Variants in PVT1 observed in about 807,000 individuals in gnomAD.
PVT1 encodes Pvt1 oncogene, also known as CXCR4/PVT1 fusion.
intron 2 of PVT1, among the ~76,000 whole-genome samples, chr8:127,809,052 A>AAAAAAAAAAAAAG (rs1554588311): frequency 1.0e-4 from 14 of 135,110 alleles, no homozygotes; most frequent in African/African-American, 3.1e-4. Context: ...AAAAAAAAAA[A>AAAAAAAAAAAAAG]AAAGAAAGAA....
intron 3 of PVT1, among the ~76,000 whole-genome samples, chr8:127,970,305 T>G (rs1586460926): frequency 7.7e-6 from 1 of 129,710 alleles, no homozygotes; most frequent in East Asian, 2.3e-4. Flanking sequence ...TTTTTTTTTT[T>G]TTTTTTTTTT....
At chr8:127,829,972 A>G (rs943025302) in intron 2 of PVT1, among the ~76,000 whole-genome samples, 1 of 152,152 alleles carries the variant, frequency 6.6e-6, no homozygotes, top group Non-Finnish European at 1.5e-5. Flanking sequence ...ATCTGCCTCC[A>G]TCTTTACATA....
chr8:127,837,679 A>G (rs2129709536), intron 2 of PVT1, among the ~76,000 whole-genome samples: 1 of 152,164 alleles, frequency 6.6e-6, no homozygotes, highest in South Asian at 2.1e-4. Flanking sequence ...TTACAAAGTG[A>G]CCCTATGAAG....
At chr8:127,854,455 C>T (rs1405404010) in intron 2 of PVT1, among the ~76,000 whole-genome samples, 1 of 152,200 alleles carries the variant, frequency 6.6e-6, no homozygotes, top group Non-Finnish European at 1.5e-5. Context: ...CCTGGGCTTT[C>T]CTGTCCCTCA....
intron 4 of PVT1, among the ~76,000 whole-genome samples, chr8:128,033,085 C>T (rs929240129): frequency 3.9e-5 from 6 of 152,156 alleles, no homozygotes; most frequent in Non-Finnish European, 7.3e-5. Context: ...CTCAACTGTC[C>T]CTCAGGCTTC....
intron 3 of PVT1, among the ~76,000 whole-genome samples, chr8:127,985,509 A>G (rs764487547): frequency 1.3e-5 from 2 of 151,502 alleles, no homozygotes; most frequent in African/African-American, 2.4e-5. Context: ...ATGTTGACAC[A>G]GCAACTAACT....
chr8:127,854,447 T>G (rs766350350), intron 2 of PVT1, among the ~76,000 whole-genome samples: 8 of 152,220 alleles, frequency 5.3e-5, no homozygotes, highest in Non-Finnish European at 1.2e-4. Context: ...GGGACCCTCC[T>G]GGGCTTTCCT....
chr8:128,092,205 A>G (rs568629071), intron 5 of PVT1, among the ~76,000 whole-genome samples: 2 of 151,684 alleles, frequency 1.3e-5, no homozygotes, highest in African/African-American at 4.8e-5. Context: ...ATTTTTCTCT[A>G]TCTCCTTTTC....
rs1300407130 is a variant in PVT1, at chr8:128,023,423, G to C, written n.912+34132G>C. On this transcript the variant is annotated intron_variant and non_coding_transcript_variant, in intron 4 of 10. Transcript: ENST00000651587. ...GACCACGCAGATATATGGACACTTA[G>C]TGCTTATGCCACTGAGCTCGTTGTG... Among the ~76,000 whole-genome samples, 4 of 152,154 alleles carry C rather than the reference G, an allele frequency of 2.6e-5. No homozygotes were observed. In the East Asian group the frequency reaches 7.7e-4, roughly 29 times the overall value.
chr8:127,838,314 C>T (rs1339043543), intron 2 of PVT1, among the ~76,000 whole-genome samples: 1 of 152,196 alleles, frequency 6.6e-6, no homozygotes, highest in African/African-American at 2.4e-5. Flanking sequence ...AGGCTATGGA[C>T]AGATACTGGT....
intron 4 of PVT1, among the ~76,000 whole-genome samples, chr8:128,047,798 GTTAA>G (rs1262952042): frequency 1.3e-5 from 2 of 152,106 alleles, no homozygotes; most frequent in Admixed American, 6.5e-5. Flanking sequence ...TGATGCACCT[GTTAA>G]TTAACTCAAC....
chr8:127,805,177 G>A lies in PVT1; in HGVS notation n.372+9106G>A, dbSNP rs192806064. On this transcript the variant is annotated intron_variant and non_coding_transcript_variant, in intron 2 of 10. Coordinates refer to ENST00000651587, the Ensembl canonical transcript of PVT1. Reference sequence around the variant, plus strand: ...ACTCCTGACCTCAGGTGATCCACCCGCCTTGGCCTCCCAAAGTGCTGGGAT... The same window carrying A: ...ACTCCTGACCTCAGGTGATCCACCCACCTTGGCCTCCCAAAGTGCTGGGAT... 1.7e-3 allele frequency among the ~76,000 whole-genome samples: 261 copies of A among 151,430 alleles called. 1 individual carries two copies. Among genetic ancestry groups the A allele is most frequent in the African/African-American group, 5.8e-3 (239 of 41,266 alleles).
intron 3 of PVT1, among the ~76,000 whole-genome samples, chr8:127,945,753 T>C (rs1043218850): frequency 7.2e-5 from 11 of 152,198 alleles, no homozygotes; most frequent in African/African-American, 2.7e-4. Flanking sequence ...ACTGAGTTCT[T>C]TGGAAAATAA....
chr8:127,810,463 A>G (rs10108514), intron 2 of PVT1, among the ~76,000 whole-genome samples: 65,025 of 152,018 alleles, frequency 0.43, 14,062 homozygotes, highest in Non-Finnish European at 0.45. Flanking sequence ...CGTGTATTGA[A>G]TTGCTGAATG....
At chr8:127,859,058 T>G (rs1483320482) in intron 2 of PVT1, among the ~76,000 whole-genome samples, 1 of 152,072 alleles carries the variant, frequency 6.6e-6, no homozygotes, top group African/African-American at 2.4e-5. Context: ...TTCTCCCGTC[T>G]TAGCTTCCCA....
At chr8:128,092,558 A>G (rs1167765254) in intron 5 of PVT1, among the ~76,000 whole-genome samples, 1 of 152,182 alleles carries the variant, frequency 6.6e-6, no homozygotes, top group Non-Finnish European at 1.5e-5. Flanking sequence ...CGGAACCGGT[A>G]GGGGCTGCCT....
intron 3 of PVT1, among the ~76,000 whole-genome samples, chr8:127,959,586 GAAAA>G (rs34255005): frequency 1.3e-5 from 1 of 76,500 alleles, no homozygotes. Flanking sequence ...TCTGTCTCAG[GAAAA>G]AAAAAAAAAA....
chr8:127,962,431 A>G (rs147164077), intron 3 of PVT1, among the ~76,000 whole-genome samples: 91 of 152,274 alleles, frequency 6.0e-4, no homozygotes, highest in African/African-American at 2.1e-3. Flanking sequence ...GTTGGGTGTG[A>G]TCAACTCATT....
chr8:128,093,925 C>T (rs1814394790), intron 5 of PVT1, among the ~76,000 whole-genome samples: 2 of 152,170 alleles, frequency 1.3e-5, no homozygotes, highest in South Asian at 2.1e-4. Flanking sequence ...CGTGAGCCAC[C>T]GTGCCGTGCC....
Sources: allele counts gnomAD v4.1 joint callset (sites outside exome capture counted in the v4.1 genomes callset), GRCh38; gene constraint gnomAD v4.1.1; transcripts MANE v1.5; gene names NCBI Gene and HGNC (gene_info 2026-07-23, HGNC 2026-07-21).